Variants in CTNND2 observed in about 807,000 individuals in gnomAD.
CTNND2 encodes the protein catenin delta 2.
CTNND2 carries 22 observed loss-of-function variants against 144.4 expected under a neutral mutation model. The ratio of observed to expected loss-of-function variants is 0.15; its 90% CI spans 0.11 to 0.22. The LOEUF is 0.22. Ranked by LOEUF, CTNND2 falls within the 10% of genes least tolerant of loss-of-function variation. The pLI is 1.00. For synonymous variants in CTNND2, 751 were observed against 695.6 expected (o/e 1.08, Z -1.25); for missense variants, 1,353 against 1,618.8 (o/e 0.84, Z 2.82).
chr5:11,396,772 A>T (rs1760178296), intron 6 of CTNND2, among the ~76,000 whole-genome samples: 1 of 152,220 alleles, frequency 6.6e-6, no homozygotes, highest in Non-Finnish European at 1.5e-5. Context: ...TCACACAGGG[A>T]AACATATATA....
intron 3 of CTNND2, among the ~76,000 whole-genome samples, chr5:11,430,403 T>C (rs1266806716): frequency 7.2e-6 from 1 of 139,854 alleles, no homozygotes; most frequent in Non-Finnish European, 1.5e-5. Flanking sequence ...AATAATGATG[T>C]AGGTGAGGAT....
intron 11 of CTNND2, among the ~76,000 whole-genome samples, chr5:11,163,674 T>A (rs1165975863): frequency 1.3e-5 from 2 of 152,118 alleles, no homozygotes; most frequent in African/African-American, 4.8e-5. Context: ...TAATTCTTAC[T>A]CCTCTCTTAC....
intron 18 of CTNND2, among the ~76,000 whole-genome samples, chr5:10,994,996 AG>A (rs1050928639): frequency 3.9e-5 from 6 of 152,184 alleles, no homozygotes; most frequent in African/African-American, 7.2e-5. Flanking sequence ...TCACTGAGCC[AG>A]GAACAATGGG....
intron 2 of CTNND2, 83 bp from the exon 3 acceptor site, chr5:11,565,139 G>T: frequency 1.1e-6 from 1 of 869,572 alleles, no homozygotes; most frequent in Non-Finnish European, 1.9e-6. Flanking sequence ...ACGGCTGAGG[G>T]AGAAAAATAT....
chr5:11,348,431 C>T (rs61750695), intron 8 of CTNND2, among the ~76,000 whole-genome samples: 3,420 of 48,130 alleles, frequency 0.071, 110 homozygotes, highest in African/African-American at 0.19. Context: ...GCCAGAAAAT[C>T]AAGGGCAAAA....
At chr5:11,689,597 C>T (rs1340959448) in intron 2 of CTNND2, among the ~76,000 whole-genome samples, 3 of 152,072 alleles carry the variant, frequency 2.0e-5, no homozygotes, top group Non-Finnish European at 4.4e-5. Context: ...CTTTTTTTCA[C>T]ATATACTGTA....
At chr5:11,712,859 AT>A (rs1786111141) in intron 2 of CTNND2, among the ~76,000 whole-genome samples, 1 of 152,198 alleles carries the variant, frequency 6.6e-6, no homozygotes, top group Non-Finnish European at 1.5e-5. Flanking sequence ...TTACGAGATT[AT>A]TTTTTGATTA....
rs58954001 is a variant in CTNND2 at position 11,623,808 on chromosome 5, GTATATATATATATATATA to G, written c.175-58770_175-58753del. Among the ~76,000 whole-genome samples, 82 of 40,738 alleles carry G rather than the reference GTATATATATATATATATA, an allele frequency of 2.0e-3. 1 individual carries two copies. In the Middle Eastern group the frequency reaches 0.054, roughly 27 times the overall value. 26.7% of individuals were successfully genotyped at this position (40,738 alleles called of 152,430 possible). A position where few individuals can be genotyped will look rare whatever the true frequency, so the allele number is the denominator to read the frequency against. ...ATCGTAAATATATATATGTGTGTAT[GTATATATATATATATATA>G]TATATATATATATATATATATATAT... is the stretch of plus-strand genomic sequence containing the variant. On this transcript the variant is annotated intron_variant, in intron 2 of 21. Transcript: ENST00000304623.
At chr5:11,394,642 C>A (rs756866042) in intron 6 of CTNND2, among the ~76,000 whole-genome samples, 1 of 152,158 alleles carries the variant, frequency 6.6e-6, no homozygotes, top group East Asian at 1.9e-4. Context: ...TGTCAGAGAA[C>A]AAATATTTTA....
chr5:11,300,903 G>C (rs149642487), intron 9 of CTNND2, among the ~76,000 whole-genome samples: 1 of 152,240 alleles, frequency 6.6e-6, no homozygotes, highest in African/African-American at 2.4e-5. Context: ...ACCTTCTCCT[G>C]GGATCAGAGG....
intron 3 of CTNND2, among the ~76,000 whole-genome samples, chr5:11,514,063 G>A (rs1189677685): frequency 6.9e-6 from 1 of 144,560 alleles, no homozygotes; most frequent in Non-Finnish European, 1.5e-5. Context: ...TGTGGCTGTG[G>A]TCCTCCCAGC....
intron 13 of CTNND2, among the ~76,000 whole-genome samples, chr5:11,112,388 C>A (rs1001300646): frequency 6.6e-6 from 1 of 152,132 alleles, no homozygotes; most frequent in African/African-American, 2.4e-5. Context: ...GAAGGGGCCA[C>A]AAGCCGAGGT....
At chr5:11,541,097 C>T (rs1407526768) in intron 3 of CTNND2, among the ~76,000 whole-genome samples, 1 of 152,132 alleles carries the variant, frequency 6.6e-6, no homozygotes, top group African/African-American at 2.4e-5. Context: ...AGGAGAGCAG[C>T]AGCTTGAGAA....
chr5:11,128,798 TA>T (rs1561349851), intron 12 of CTNND2, among the ~76,000 whole-genome samples: 3 of 30,082 alleles, frequency 1.0e-4, no homozygotes, highest in Non-Finnish European at 1.8e-4. Flanking sequence ...ATATATATTA[TA>T]TATATACAAT....
At chr5:11,755,689 G>C (rs1456129177) in intron 1 of CTNND2, among the ~76,000 whole-genome samples, 2 of 137,396 alleles carry the variant, frequency 1.5e-5, no homozygotes, top group African/African-American at 5.3e-5. Flanking sequence ...TGGTCTTTGA[G>C]CTCTGAGATT....
At chr5:11,448,693 G>A (rs1479496886) in intron 3 of CTNND2, among the ~76,000 whole-genome samples, 1 of 152,030 alleles carries the variant, frequency 6.6e-6, no homozygotes, top group African/African-American at 2.4e-5. Flanking sequence ...TTTTTGAACA[G>A]GATCTCACTC....
intron 1 of CTNND2, among the ~76,000 whole-genome samples, chr5:11,779,657 G>A (rs1790439808): frequency 6.6e-6 from 1 of 152,216 alleles, no homozygotes; most frequent in African/African-American, 2.4e-5. Context: ...TTGGTTATAT[G>A]AGGAGTCGCC....
chr5:11,585,583 G>A (rs1250445392), intron 2 of CTNND2, among the ~76,000 whole-genome samples: 2 of 151,744 alleles, frequency 1.3e-5, no homozygotes, highest in Admixed American at 6.6e-5. Context: ...TGCTAGAAAT[G>A]CATCAATGAA....
At chr5:11,887,550 T>C (rs1024274263) in intron 1 of CTNND2, among the ~76,000 whole-genome samples, 6 of 151,782 alleles carry the variant, frequency 4.0e-5, no homozygotes, top group African/African-American at 1.5e-4. Context: ...TTGTAAAAAA[T>C]AAATAAATTT....
Sources: gnomAD v4.1 joint callset for allele counts (sites outside exome capture counted in the v4.1 genomes callset) on GRCh38, gnomAD v4.1.1 for gene constraint, MANE v1.5 for transcripts, NCBI Gene and HGNC (gene_info 2026-07-23, HGNC 2026-07-21) for gene names.